Variants in CSPP1 observed in about 807,000 individuals in gnomAD.
CSPP1 encodes the protein centrosome and spindle pole associated protein 1.
A neutral mutation model predicts 164.4 loss-of-function variants in CSPP1; 126 were observed. The ratio of observed to expected loss-of-function variants is 0.77; its 90% CI spans 0.66 to 0.89. The LOEUF (loss-of-function observed/expected upper bound fraction) is 0.89, where lower values mean the gene tolerates loss of function less well. Ranked by LOEUF, CSPP1 falls within the 40% of genes least tolerant of loss-of-function variation. The probability of loss-of-function intolerance (pLI) is 0.00; values close to 1 mark genes in which losing one functional copy is unlikely to be tolerated. For missense variants in CSPP1, 1,395 were observed against 1,449.8 expected (o/e 0.96, Z 0.61); for synonymous variants, 472 against 476.7 (o/e 0.99, Z 0.13).
chr8:67,144,417 CTG>C (rs1187265144), intron 17 of CSPP1, among the ~76,000 whole-genome samples: 1 of 151,968 alleles, frequency 6.6e-6, no homozygotes, highest in Non-Finnish European at 1.5e-5. Flanking sequence ...TAATTCTGGC[CTG>C]ATAACATGAA....
At position 67,159,125 on chromosome 8, in the gene CSPP1, G is replaced by A; in HGVS notation, c.2526G>A (p.Gly842=). ...QHYCERDNLI[G]EETKHMRQPS... ...ACTGTGAAAGAGACAATTTGATTGG[G>A]GAAGAAACAAAGGTAAGTTTCAGAC... Residue 842 remains glycine, a synonymous_variant, in exon 21 of 31, where the codon GGG becomes GGA. Transcript: ENST00000678616. 6.3e-7 allele frequency: 1 copy of A among 1,597,078 alleles called. No individual in the cohort carries two copies. The highest frequency in any genetic ancestry group is 8.5e-7 in the Non-Finnish European group (1 of 1,175,590).
chr8:67,194,172 C>CAGT (rs748134780), intron 30 of CSPP1, among the ~76,000 whole-genome samples: 3 of 152,204 alleles, frequency 2.0e-5, no homozygotes, highest in Non-Finnish European at 2.9e-5. Context: ...GCCAGCCCTA[C>CAGT]ACCACCCTTT....
chr8:67,066,881 C>T (rs1805677378), intron 1 of CSPP1, among the ~76,000 whole-genome samples: 1 of 150,564 alleles, frequency 6.6e-6, no homozygotes, highest in African/African-American at 2.5e-5. Context: ...CTCTGCTTCC[C>T]ATTTTCAAGC....
At chr8:67,112,770 A>G (rs1195339532) in intron 10 of CSPP1, among the ~76,000 whole-genome samples, 2 of 152,190 alleles carry the variant, frequency 1.3e-5, no homozygotes, top group East Asian at 3.8e-4. Flanking sequence ...CAAAAAATAC[A>G]CTAATCAAAC....
intron 21 of CSPP1, among the ~76,000 whole-genome samples, chr8:67,159,915 TCTTTCTTTC>T (rs1426866071): frequency 2.8e-4 from 18 of 64,348 alleles, no homozygotes; most frequent in Admixed American, 1.2e-3. Context: ...TTTCTTTCTT[TCTTTCTTTC>T]CTTTCCTTCC....
intron 7 of CSPP1, among the ~76,000 whole-genome samples, chr8:67,100,770 ATTTC>A (rs1563554440): frequency 6.8e-6 from 1 of 147,202 alleles, no homozygotes; most frequent in African/African-American, 2.5e-5. Flanking sequence ...TGTAATAAAG[ATTTC>A]TTTATTATTA....
rs1554622825 is a variant in CSPP1, at chr8:67,187,015, A to ATCTAATCT, written c.3221-3635_3221-3634insTCTAATCT. Among the ~76,000 whole-genome samples, 552 of 143,062 alleles carry ATCTAATCT rather than the reference A, an allele frequency of 3.9e-3. 1 individual carries two copies. The highest frequency in any genetic ancestry group is 0.013 in the African/African-American group (506 of 38,334). 93.9% of individuals were successfully genotyped at this position (143,062 alleles called of 152,430 possible). A position where few individuals can be genotyped will look rare whatever the true frequency, so the allele number is the denominator to read the frequency against. On this transcript the variant is annotated intron_variant, in intron 28 of 30. Coordinates refer to ENST00000678616, the MANE Select transcript of CSPP1 (RefSeq NM_001382391.1). ...TATCTATCTATCTATCTATCTATCT[A>ATCTAATCT]ATCTATCTATCTAGAACTGCCTGAG...
chr8:67,137,944 T>TA (rs1176092946), intron 17 of CSPP1, among the ~76,000 whole-genome samples: 1 of 151,878 alleles, frequency 6.6e-6, no homozygotes, highest in African/African-American at 2.4e-5. Flanking sequence ...TATTACAATT[T>TA]AAAAAAAATA....
intron 4 of CSPP1, 25 bp from the exon 5 acceptor site, chr8:67,091,778 A>T (rs375812361): frequency 2.3e-6 from 2 of 872,586 alleles, no homozygotes; most frequent in East Asian, 1.3e-4. Context: ...TAGGTAATAT[A>T]TTTTTTTAAT....
intron 24 of CSPP1, among the ~76,000 whole-genome samples, chr8:67,165,478 C>T (rs1448164396): frequency 1.3e-5 from 2 of 152,200 alleles, no homozygotes; most frequent in Non-Finnish European, 2.9e-5. Flanking sequence ...TGTTCATGGG[C>T]CCCATACAAG....
At chr8:67,158,640 G>A (rs756992804) in intron 20 of CSPP1, 44 bp downstream of exon 20, 19 of 1,520,894 alleles carry the variant, frequency 1.2e-5, no homozygotes, top group Non-Finnish European at 1.6e-5. Flanking sequence ...TAGTCTGAAG[G>A]TGAAATCTTT....
At chr8:67,125,978 A>G (rs1819977654) in intron 15 of CSPP1, among the ~76,000 whole-genome samples, 1 of 152,092 alleles carries the variant, frequency 6.6e-6, no homozygotes, top group African/African-American at 2.4e-5. Flanking sequence ...GATTACAGGC[A>G]TGCGCCACCA....
chr8:67,186,247 G>A (rs1834537982), intron 28 of CSPP1, among the ~76,000 whole-genome samples: 1 of 152,126 alleles, frequency 6.6e-6, no homozygotes, highest in Non-Finnish European at 1.5e-5. Context: ...CCATTGCCAA[G>A]AATGTGTTGT....
chr8:67,164,405 G>A lies in CSPP1; in HGVS notation c.2725G>A (p.Val909Ile). The part of the protein sequence containing the change: ...QLRAEEEKKN[V>I]IMELSEMRKQ... ...GGAATTTGCAGAGGAGAAAAAAAAT[G>A]TAATTATGGAATTATCAGAAATGAG... The change falls in exon 24 of 31, where the codon GTA (valine) becomes ATA (isoleucine). Residue 909 changes from valine to isoleucine, a missense_variant. Physicochemically the swap from Val to Ile is conservative, Grantham distance 29. Transcript: ENST00000678616. The A allele has an allele frequency of 1.3e-6, 2 of 1,570,936 alleles. No homozygotes were observed. The highest frequency in any genetic ancestry group is 1.1e-5 in the South Asian group (1 of 89,676).
chr8:67,108,363 C>T (rs376039533), intron 9 of CSPP1, among the ~76,000 whole-genome samples: 12 of 150,854 alleles, frequency 8.0e-5, no homozygotes, highest in African/African-American at 2.7e-4. Context: ...GATTGTGCCA[C>T]TGTACTCCAA....
At chr8:67,078,008 A>AT (rs1316101204) in intron 3 of CSPP1, among the ~76,000 whole-genome samples, 1 of 151,972 alleles carries the variant, frequency 6.6e-6, no homozygotes, top group Non-Finnish European at 1.5e-5. Flanking sequence ...AAGGCTCTCA[A>AT]TTTTTTTTCT....
At chr8:67,074,222 C>G (rs534512972) in intron 1 of CSPP1, 21 bp from the exon 2 acceptor site, 1 of 1,419,812 alleles carries the variant, frequency 7.0e-7, no homozygotes, top group Non-Finnish European at 9.9e-7. Flanking sequence ...TAGATACGCT[C>G]ACTGAAATTT....
chr8:67,181,338 ATTTTTTTTT>A (rs58029238), intron 28 of CSPP1, among the ~76,000 whole-genome samples: 3 of 112,642 alleles, frequency 2.7e-5, no homozygotes, highest in East Asian at 5.0e-4. Flanking sequence ...GTACCTGGCC[ATTTTTTTTT>A]TTTTTTTTTT....
chr8:67,191,372 C>G (rs991244553), intron 29 of CSPP1, among the ~76,000 whole-genome samples: 2 of 152,326 alleles, frequency 1.3e-5, no homozygotes, highest in East Asian at 1.9e-4. Flanking sequence ...GCCAAGTATG[C>G]AGAGACCTCA....
Sources: gnomAD v4.1 joint callset for allele counts (sites outside exome capture counted in the v4.1 genomes callset) on GRCh38, gnomAD v4.1.1 for gene constraint, MANE v1.5 for transcripts, NCBI Gene and HGNC (gene_info 2026-07-23, HGNC 2026-07-21) for gene names.